Variants in ARID2 observed in about 807,000 individuals in gnomAD.
The protein encoded by ARID2 is AT-rich interactive domain-containing protein 2.
ARID2 carries 32 observed loss-of-function variants against 184.6 expected under a neutral mutation model. The ratio of observed to expected loss-of-function variants is 0.17; its 90% CI spans 0.13 to 0.23. The LOEUF (loss-of-function observed/expected upper bound fraction) is 0.23. Among genes scored for constraint, ARID2 ranks in the 10% least tolerant of loss-of-function variants. The pLI, the probability that ARID2 is intolerant of heterozygous loss-of-function variation, is 1.00. For missense variants in ARID2, 1,696 were observed against 2,197.6 expected (o/e 0.77, Z 4.56); for synonymous variants, 836 against 772.6 (o/e 1.08, Z -1.36).
intron 11 of ARID2, chr12:45,840,763 AC>A (rs1420410388): frequency 1.3e-5 from 2 of 152,108 alleles, no homozygotes; most frequent in Non-Finnish European, 2.9e-5. Flanking sequence ...TTCTACTCCA[AC>A]TTGTAGTATG....
chr12:45,802,589 G>A (rs1942527450), intron 3 of ARID2, among the ~76,000 whole-genome samples: 1 of 151,664 alleles, frequency 6.6e-6, no homozygotes, highest in Non-Finnish European at 1.5e-5. Flanking sequence ...GTAAGATATT[G>A]CTCATCATCT....
chr12:45,840,773 T>C (rs1251352030), intron 11 of ARID2: 3 of 152,190 alleles, frequency 2.0e-5, no homozygotes, highest in Non-Finnish European at 4.4e-5. Context: ...ACTTGTAGTA[T>C]GAAAATTATG....
intron 16 of ARID2, among the ~76,000 whole-genome samples, chr12:45,868,971 A>G (rs180728826): frequency 2.1e-4 from 32 of 151,264 alleles, no homozygotes; most frequent in Admixed American, 5.9e-4. Context: ...AATCAGATTT[A>G]TTTCTCGAGA....
intron 3 of ARID2, among the ~76,000 whole-genome samples, chr12:45,802,035 A>G (rs1358330427): frequency 6.6e-6 from 1 of 151,464 alleles, no homozygotes; most frequent in African/African-American, 2.4e-5. Context: ...CAGTGTAGAT[A>G]TAAGAGTTTT....
chr12:45,896,491 G>C (rs1156786726), intron 20 of ARID2, among the ~76,000 whole-genome samples: 6 of 152,154 alleles, frequency 3.9e-5, no homozygotes, highest in Non-Finnish European at 8.8e-5. Flanking sequence ...TAAGTCTCAC[G>C]AGATCCGATG....
At chr12:45,814,617 G>A (rs1484583894) in intron 4 of ARID2, among the ~76,000 whole-genome samples, 2 of 152,104 alleles carry the variant, frequency 1.3e-5, no homozygotes, top group Non-Finnish European at 2.9e-5. Flanking sequence ...CAGCACTCCA[G>A]TAGCCTAGGC....
chr12:45,734,641 C>A (rs908126377), intron 3 of ARID2, among the ~76,000 whole-genome samples: 1 of 151,280 alleles, frequency 6.6e-6, no homozygotes, highest in South Asian at 2.1e-4. Flanking sequence ...GTGTTCATGA[C>A]GTGTTCAATA....
intron 3 of ARID2, among the ~76,000 whole-genome samples, chr12:45,781,581 A>G (rs979078001): frequency 4.6e-5 from 7 of 151,274 alleles, no homozygotes; most frequent in Non-Finnish European, 7.4e-5. Flanking sequence ...TTCTGTTATA[A>G]TTTTTCTTGG....
chr12:45,777,809 A>AT (rs890055293), intron 3 of ARID2, among the ~76,000 whole-genome samples: 8 of 147,662 alleles, frequency 5.4e-5, no homozygotes, highest in African/African-American at 2.0e-4. Context: ...TATATATTTT[A>AT]TTTTTTTATA....
chr12:45,880,308 AT>A (rs1202653192), intron 16 of ARID2, among the ~76,000 whole-genome samples: 7 of 152,212 alleles, frequency 4.6e-5, no homozygotes, highest in African/African-American at 1.7e-4. Flanking sequence ...CTAAACAAAT[AT>A]TTCCTGTGTG....
At chr12:45,813,354 G>C (rs998162865) in intron 4 of ARID2, among the ~76,000 whole-genome samples, 3 of 151,074 alleles carry the variant, frequency 2.0e-5, no homozygotes, top group Non-Finnish European at 2.9e-5. Flanking sequence ...TCTAAAAATT[G>C]ACATGATTAT....
At position 45,852,023 on chromosome 12, in the gene ARID2, T is replaced by A. The variant is rs751774391; in HGVS notation, c.3900T>A (p.Ser1300Arg). 7 of 1,614,012 alleles carry A rather than the reference T, an allele frequency of 4.3e-6. No individual in the cohort carries two copies. Among genetic ancestry groups the A allele is most frequent in the African/African-American group, 1.3e-5 (1 of 74,932 alleles). The change falls in exon 15 of 21, where the codon AGT becomes AGA. Residue 1300 changes from serine (S) to arginine (R), a missense_variant. Physicochemically the swap from Ser to Arg is moderately radical, Grantham distance 110. Coordinates refer to ENST00000334344, the MANE Select transcript of ARID2 (RefSeq NM_152641.4). ...GTCTTTTAAATGGGAGAAAGTACAGTGACTCAAGTCTACCTCCTTCAAACT... is the reference window on the plus strand; with the variant it reads ...GTCTTTTAAATGGGAGAAAGTACAGAGACTCAAGTCTACCTCCTTCAAACT... ...VGSLLNGRKY[S>R]DSSLPPSNSG...
chr12:45,732,723 G>C (rs1451569009), intron 3 of ARID2, among the ~76,000 whole-genome samples: 1 of 152,062 alleles, frequency 6.6e-6, no homozygotes, highest in African/African-American at 2.4e-5. Flanking sequence ...ATTTTGGACT[G>C]TTTGAAATAC....
intron 16 of ARID2, among the ~76,000 whole-genome samples, chr12:45,883,795 A>G (rs943807260): frequency 1.3e-5 from 2 of 151,960 alleles, no homozygotes; most frequent in Non-Finnish European, 2.9e-5. Context: ...GTAAAGGGAT[A>G]ATTTTATGTT....
At chr12:45,749,981 C>A (rs1039406012) in intron 3 of ARID2, among the ~76,000 whole-genome samples, 1 of 152,160 alleles carries the variant, frequency 6.6e-6, no homozygotes, top group Admixed American at 6.6e-5. Flanking sequence ...TTTGTGTGTT[C>A]CCTGGAGTAG....
At chr12:45,901,170 T>A (rs1404800376) in intron 20 of ARID2, among the ~76,000 whole-genome samples, 1 of 57,974 alleles carries the variant, frequency 1.7e-5, no homozygotes, top group Non-Finnish European at 4.2e-5. Flanking sequence ...TTTTTTTTTT[T>A]TTTTTTTTTT....
At position 45,834,163 on chromosome 12, in the gene ARID2, C is replaced by T. The variant is rs533016615; in HGVS notation, c.706-2426C>T. On this transcript the variant is annotated intron_variant, in intron 6 of 20. Transcript: ENST00000334344. The stretch of plus-strand genomic sequence containing the variant: ...AATCTCTGAAAACAGTTTTTTCATA[C>T]ATGTTGGGTTTTGGTAGGATGACTA... 3.3e-5 allele frequency among the ~76,000 whole-genome samples: 5 copies of T among 152,218 alleles called. No individual in the cohort carries two copies. The South Asian group carries it at 6.2e-4, about 19-fold the overall frequency.
At chr12:45,842,431 C>T (rs539405827) in intron 11 of ARID2, among the ~76,000 whole-genome samples, 10 of 151,296 alleles carry the variant, frequency 6.6e-5, no homozygotes, top group African/African-American at 2.4e-4. Flanking sequence ...AATGGTACAT[C>T]AAATAGTAAA....
At chr12:45,767,270 A>G (rs1941788968) in intron 3 of ARID2, among the ~76,000 whole-genome samples, 3 of 151,946 alleles carry the variant, frequency 2.0e-5, no homozygotes. Context: ...GGAGTCCTTT[A>G]TGTATTCTGA....
Sources: allele counts gnomAD v4.1 joint callset (sites outside exome capture counted in the v4.1 genomes callset), GRCh38; gene constraint gnomAD v4.1.1; transcripts MANE v1.5; gene names NCBI Gene and HGNC (gene_info 2026-07-23, HGNC 2026-07-21).